SSBP3: variants seen among roughly 807,000 people sequenced by gnomAD.
The protein encoded by SSBP3 is single stranded DNA binding protein 3.
Under a neutral mutation model 69.6 loss-of-function variants are expected in SSBP3, and 5 were observed. The ratio of observed to expected loss-of-function variants is 0.07; its 90% CI spans 0.04 to 0.15. SSBP3 has a LOEUF of 0.15. SSBP3 is among the 10% of genes least tolerant of loss of function. The pLI is 1.00. For synonymous variants in SSBP3, 196 were observed against 193.4 expected, an observed-to-expected ratio of 1.01 and a Z score of -0.11; for missense variants, 312 against 534.0, an observed-to-expected ratio of 0.58 and a Z score of 4.10.
chr1:54,352,087 G>A (rs1646789270), intron 4 of SSBP3, among the ~76,000 whole-genome samples: 1 of 152,116 alleles, frequency 6.6e-6, no homozygotes, highest in Non-Finnish European at 1.5e-5. Context: ...CTTGAAGCCA[G>A]GAGTTTAAGA....
chr1:54,384,531 A>G (rs1647935335), intron 4 of SSBP3, among the ~76,000 whole-genome samples: 1 of 152,238 alleles, frequency 6.6e-6, no homozygotes, highest in African/African-American at 2.4e-5. Flanking sequence ...AGGCTCAAAG[A>G]TTATTAGAAG....
chr1:54,406,152 G>A (rs1321357028), exon 1 of SSBP3: 12 of 561,832 alleles, frequency 2.1e-5, no homozygotes, highest in Non-Finnish European at 3.4e-5. Flanking sequence ...TCCTCGCCGC[G>A]CTCCCCTCCC....
chr1:54,290,880 T>C (rs770923717), intron 4 of SSBP3, among the ~76,000 whole-genome samples: 6 of 152,168 alleles, frequency 3.9e-5, no homozygotes, highest in Non-Finnish European at 7.3e-5. Flanking sequence ...GATTTTCTTC[T>C]TAAAGAGAAA....
At chr1:54,383,979 G>A (rs1438720323) in intron 4 of SSBP3, among the ~76,000 whole-genome samples, 1 of 152,004 alleles carries the variant, frequency 6.6e-6, no homozygotes, top group Non-Finnish European at 1.5e-5. Flanking sequence ...GGTGGCAGGC[G>A]CCTGTAGTCC....
intron 4 of SSBP3, among the ~76,000 whole-genome samples, chr1:54,294,376 G>A (rs151258830): frequency 6.7e-5 from 10 of 149,230 alleles, no homozygotes; most frequent in Non-Finnish European, 1.2e-4. Flanking sequence ...CCTTCTGCCC[G>A]TAAAGCCCTC....
chr1:54,395,183 G>A (rs1468283603), intron 4 of SSBP3, among the ~76,000 whole-genome samples: 1 of 152,140 alleles, frequency 6.6e-6, no homozygotes, highest in Non-Finnish European at 1.5e-5. Context: ...TGTTAACAAT[G>A]ACACAGGATT....
At chr1:54,286,928 A>C (rs1308112455) in intron 4 of SSBP3, 1 of 152,324 alleles carries the variant, frequency 6.6e-6, no homozygotes, top group Non-Finnish European at 1.5e-5. Context: ...TCCAGGAGCA[A>C]GTGGACTTGA....
intron 4 of SSBP3, among the ~76,000 whole-genome samples, chr1:54,323,199 T>C (rs1191728865): frequency 6.6e-6 from 1 of 152,186 alleles, no homozygotes; most frequent in Non-Finnish European, 1.5e-5. Context: ...TTGACTACTC[T>C]TCAGTGGGGA....
chr1:54,251,740 G>T, intron 8 of SSBP3, 48 bp from the exon 9 acceptor site: 1 of 1,590,102 alleles, frequency 6.3e-7, no homozygotes, highest in Non-Finnish European at 8.6e-7. Flanking sequence ...GTGGAGGGAG[G>T]AGGAGCCCCT....
chr1:54,377,446 G>T (rs1192604710), intron 4 of SSBP3, among the ~76,000 whole-genome samples: 4 of 152,210 alleles, frequency 2.6e-5, no homozygotes, highest in African/African-American at 4.8e-5. Context: ...GCTTCTTCTA[G>T]ATGAGGATAC....
At chr1:54,267,398 C>T (rs1645120739) in intron 5 of SSBP3, among the ~76,000 whole-genome samples, 1 of 152,214 alleles carries the variant, frequency 6.6e-6, no homozygotes, top group Non-Finnish European at 1.5e-5. Context: ...CGTGAACAAG[C>T]AGTATTCTGC....
At chr1:54,310,828 T>TG (rs946226377) in intron 4 of SSBP3, among the ~76,000 whole-genome samples, 34 of 152,140 alleles carry the variant, frequency 2.2e-4, no homozygotes, top group African/African-American at 7.9e-4. Flanking sequence ...CCTGTGAGGA[T>TG]GGGGGGAGAA....
At chr1:54,344,084 G>A (rs990167929) in intron 4 of SSBP3, among the ~76,000 whole-genome samples, 1 of 152,130 alleles carries the variant, frequency 6.6e-6, no homozygotes, top group East Asian at 1.9e-4. Flanking sequence ...GCCAAGAGGT[G>A]CCCCTGATTA....
chr1:54,337,386 C>T (rs1214364820), intron 4 of SSBP3, among the ~76,000 whole-genome samples: 2 of 146,766 alleles, frequency 1.4e-5, no homozygotes, highest in Non-Finnish European at 3.0e-5. Context: ...GCGCAGGGAT[C>T]TTAGGGCAGG....
At chr1:54,294,194 A>C (rs1645663830) in intron 4 of SSBP3, among the ~76,000 whole-genome samples, 1 of 150,646 alleles carries the variant, frequency 6.6e-6, no homozygotes, top group Non-Finnish European at 1.5e-5. Flanking sequence ...AAAGAAAGAA[A>C]AGAAAAAAGA....
At chr1:54,309,804 T>C (rs1382775428) in intron 4 of SSBP3, among the ~76,000 whole-genome samples, 5 of 152,098 alleles carry the variant, frequency 3.3e-5, no homozygotes, top group Non-Finnish European at 5.9e-5. Context: ...ACAAAACCCA[T>C]TGCAGGCACA....
intron 4 of SSBP3, among the ~76,000 whole-genome samples, chr1:54,314,134 G>T (rs1393905610): frequency 6.6e-6 from 1 of 152,164 alleles, no homozygotes; most frequent in African/African-American, 2.4e-5. Context: ...GCCAAGGGGG[G>T]CTTAGCCAAA....
chr1:54,304,630 A>G (rs986586881), intron 4 of SSBP3, among the ~76,000 whole-genome samples: 1 of 152,186 alleles, frequency 6.6e-6, no homozygotes, highest in African/African-American at 2.4e-5. Context: ...AGCAGGTGGT[A>G]AAAGGACAGC....
chr1:54,276,492 T>A (rs773528788), intron 5 of SSBP3, among the ~76,000 whole-genome samples: 9 of 150,506 alleles, frequency 6.0e-5, no homozygotes, highest in Non-Finnish European at 1.0e-4. Flanking sequence ...GCGCCTGTAA[T>A]CCCAGCTACT....
Sources: gnomAD v4.1 joint callset for allele counts (sites outside exome capture counted in the v4.1 genomes callset) on GRCh38, gnomAD v4.1.1 for gene constraint, MANE v1.5 for transcripts, NCBI Gene and HGNC (gene_info 2026-07-23, HGNC 2026-07-21) for gene names.